The following RALYL variants were observed in gnomAD, a reference collection of about 807,000 sequenced individuals.
The protein encoded by RALYL is RNA-binding Raly-like protein.
A neutral mutation model predicts 35.1 loss-of-function variants in RALYL; 29 were observed. The observed-to-expected ratio is 0.83, with a 90% CI of 0.61 to 1.13. The LOEUF is 1.13. RALYL is among the 50% of genes most tolerant of loss of function. RALYL has a pLI of 0.00. For missense variants in RALYL, 359 were observed against 360.4 expected, an observed-to-expected ratio of 1.00 and a Z score of 0.03; for synonymous variants, 120 against 127.6, an observed-to-expected ratio of 0.94 and a Z score of 0.40.
chr8:84,387,199 A>G (rs1859410913), intron 1 of RALYL, among the ~76,000 whole-genome samples: 1 of 151,908 alleles, frequency 6.6e-6, no homozygotes, highest in Non-Finnish European at 1.5e-5. Flanking sequence ...ATTTATTAAA[A>G]TCATTTTCTG....
chr8:84,336,457 A>G (rs1847825669), intron 1 of RALYL, among the ~76,000 whole-genome samples: 1 of 152,130 alleles, frequency 6.6e-6, no homozygotes, highest in South Asian at 2.1e-4. Flanking sequence ...GTATGAGTAA[A>G]TAACTTTATT....
intron 1 of RALYL, among the ~76,000 whole-genome samples, chr8:84,518,644 T>A (rs1431654859): frequency 1.3e-5 from 2 of 152,200 alleles, no homozygotes; most frequent in Non-Finnish European, 2.9e-5. Flanking sequence ...TTGCATCTAT[T>A]GTAGCACGTT....
chr8:84,679,051 C>A, intron 2 of RALYL: 1 of 337,282 alleles, frequency 3.0e-6, no homozygotes, highest in Non-Finnish European at 6.0e-6. Context: ...TGCAAATAAG[C>A]AAATGCTCCA....
At chr8:84,737,402 A>C (rs769862385) in intron 2 of RALYL, among the ~76,000 whole-genome samples, 8 of 151,824 alleles carry the variant, frequency 5.3e-5, no homozygotes, top group Non-Finnish European at 1.2e-4. Context: ...TTTAATGGAG[A>C]TATTTTAGAT....
intron 1 of RALYL, among the ~76,000 whole-genome samples, chr8:84,252,061 C>T (rs576273532): frequency 2.0e-5 from 3 of 152,142 alleles, no homozygotes; most frequent in South Asian, 4.1e-4. Context: ...ATGCCCTTAA[C>T]TCACTTGTTT....
At chr8:84,860,524 G>A (rs1467493687) in intron 5 of RALYL, among the ~76,000 whole-genome samples, 1 of 151,632 alleles carries the variant, frequency 6.6e-6, no homozygotes, top group African/African-American at 2.4e-5. Flanking sequence ...ATCTTGTTTT[G>A]TGATTGAAAT....
At chr8:84,610,124 T>C (rs1817982121) in intron 2 of RALYL, among the ~76,000 whole-genome samples, 1 of 152,120 alleles carries the variant, frequency 6.6e-6, no homozygotes, top group Non-Finnish European at 1.5e-5. Context: ...ACCATATTAG[T>C]TGATAAACCA....
At chr8:84,725,823 T>C (rs1844847147) in intron 2 of RALYL, among the ~76,000 whole-genome samples, 1 of 151,708 alleles carries the variant, frequency 6.6e-6, no homozygotes, top group Non-Finnish European at 1.5e-5. Context: ...AGTTGACCAA[T>C]GACCCACATA....
At chr8:84,502,455 A>AAAT (rs2056783998) in intron 1 of RALYL, among the ~76,000 whole-genome samples, 1 of 152,070 alleles carries the variant, frequency 6.6e-6, no homozygotes, top group Non-Finnish European at 1.5e-5. Flanking sequence ...CAAGATTTAT[A>AAAT]CTTAATTGCT....
At chr8:84,839,291 G>T (rs1832689013) in intron 4 of RALYL, among the ~76,000 whole-genome samples, 1 of 152,202 alleles carries the variant, frequency 6.6e-6, no homozygotes, top group Non-Finnish European at 1.5e-5. Flanking sequence ...TTTTCCAATG[G>T]TCTTAGCAAA....
intron 1 of RALYL, among the ~76,000 whole-genome samples, chr8:84,255,759 T>C (rs966187595): frequency 6.6e-6 from 1 of 152,162 alleles, no homozygotes; most frequent in Admixed American, 6.6e-5. Flanking sequence ...AATGACTGTG[T>C]CTGTGTTTAC....
intron 1 of RALYL, among the ~76,000 whole-genome samples, chr8:84,304,377 T>A (rs1841404319): frequency 6.6e-6 from 1 of 152,008 alleles, no homozygotes; most frequent in Non-Finnish European, 1.5e-5. Context: ...TCTGCCTCCC[T>A]AAAGGTTTAT....
intron 2 of RALYL, among the ~76,000 whole-genome samples, chr8:84,605,882 C>T (rs536946334): frequency 6.6e-6 from 1 of 152,208 alleles, no homozygotes; most frequent in Admixed American, 6.5e-5. Context: ...TAAATATTTC[C>T]ATTGAAATGC....
chr8:84,347,889 C>T (rs956937647), intron 1 of RALYL, among the ~76,000 whole-genome samples: 3 of 151,994 alleles, frequency 2.0e-5, no homozygotes, highest in African/African-American at 7.2e-5. Flanking sequence ...ATGAGTTGGG[C>T]AGCACACTGA....
intron 2 of RALYL, among the ~76,000 whole-genome samples, chr8:84,772,493 A>G (rs538838422): frequency 1.6e-4 from 23 of 142,422 alleles, no homozygotes; most frequent in African/African-American, 5.6e-4. Context: ...CTGTTTATAT[A>G]AGGTAACTGT....
At chr8:84,883,958 G>C (rs1842558875) in intron 7 of RALYL, among the ~76,000 whole-genome samples, 1 of 152,030 alleles carries the variant, frequency 6.6e-6, no homozygotes, top group African/African-American at 2.4e-5. Flanking sequence ...CTCTGAAATA[G>C]ATGTTATTTT....
chr8:84,827,860 A>G (rs1034486318), intron 4 of RALYL, among the ~76,000 whole-genome samples: 1 of 152,128 alleles, frequency 6.6e-6, no homozygotes, highest in Admixed American at 6.5e-5. Flanking sequence ...TAATTTGTTC[A>G]TAAGTATCTT....
intron 2 of RALYL, among the ~76,000 whole-genome samples, chr8:84,697,051 C>A (rs559915587): frequency 6.6e-6 from 1 of 151,830 alleles, no homozygotes; most frequent in Admixed American, 6.6e-5. Flanking sequence ...TAAATAGGAA[C>A]AGGAAAGGAA....
At chr8:84,858,680 T>C (rs150205325) in intron 5 of RALYL, among the ~76,000 whole-genome samples, 44 of 152,326 alleles carry the variant, frequency 2.9e-4, no homozygotes, top group African/African-American at 8.9e-4. Flanking sequence ...TTTGATTTAC[T>C]GTAGGCCGAA....
Sources: gnomAD v4.1 joint callset for allele counts (sites outside exome capture counted in the v4.1 genomes callset) on GRCh38, gnomAD v4.1.1 for gene constraint, MANE v1.5 for transcripts, NCBI Gene and HGNC (gene_info 2026-07-23, HGNC 2026-07-21) for gene names.